TM4SF5: variants seen among roughly 807,000 people sequenced by gnomAD.
TM4SF5 encodes the protein transmembrane 4 L6 family member 5.
In TM4SF5, 16 loss-of-function variants were observed where a neutral mutation model predicts 22.3. The observed-to-expected ratio is 0.72, with a 90% CI of 0.49 to 1.09. The LOEUF is 1.09. Ranked by LOEUF, TM4SF5 falls within the 50% of genes least tolerant of loss-of-function variation. The probability of loss-of-function intolerance (pLI) is 0.00; values close to 1 mark genes in which losing one functional copy is unlikely to be tolerated. For synonymous variants in TM4SF5, 113 were observed against 109.6 expected, an observed-to-expected ratio of 1.03 and a Z score of -0.19; for missense variants, 249 against 266.1, an observed-to-expected ratio of 0.94 and a Z score of 0.45.
At chr17:4,772,128 C>T in intron 1 of TM4SF5, 29 bp downstream of exon 1, 1 of 1,613,520 alleles carries the variant, frequency 6.2e-7, no homozygotes, top group South Asian at 1.1e-5. Flanking sequence ...GAGCCCGGGC[C>T]AGCTGGCTGG....
intron 1 of TM4SF5, among the ~76,000 whole-genome samples, chr17:4,778,631 AAAGCAAG>A (rs901361624): frequency 6.6e-6 from 1 of 152,022 alleles, no homozygotes; most frequent in Non-Finnish European, 1.5e-5. Context: ...CACACACACG[AAAGCAAG>A]AAGCAAGACA....
chr17:4,772,114 AG>A lies in TM4SF5; in HGVS notation c.177+19del. ...GGGGCCTAATGGTGAGAAGGCTGGCAGGGGAGCCCGGGCCAGCTGGCTGGGT... is the reference window on the plus strand; with the variant it reads ...GGGGCCTAATGGTGAGAAGGCTGGCAGGGAGCCCGGGCCAGCTGGCTGGGT... On this transcript the variant is annotated intron_variant, in intron 1 of 4. Coordinates refer to ENST00000270560, the MANE Select transcript of TM4SF5 (RefSeq NM_003963.3). 2 of 1,614,040 alleles carry A rather than the reference AG, an allele frequency of 1.2e-6. No individual in the cohort carries two copies. Among genetic ancestry groups the A allele is most frequent in the Non-Finnish European group, 1.7e-6 (2 of 1,179,988 alleles).
chr17:4,776,378 T>A (rs1917205573), intron 1 of TM4SF5, among the ~76,000 whole-genome samples: 1 of 152,038 alleles, frequency 6.6e-6, no homozygotes, highest in South Asian at 2.1e-4. Flanking sequence ...CTCGGCTCAC[T>A]GCAACCTCTG....
At chr17:4,775,645 T>C (rs1280458614) in intron 1 of TM4SF5, among the ~76,000 whole-genome samples, 4 of 151,960 alleles carry the variant, frequency 2.6e-5, no homozygotes, top group Non-Finnish European at 5.9e-5. Context: ...CCCAGATCCT[T>C]AGTACACAGC....
At chr17:4,778,395 G>A (rs1917243506) in intron 1 of TM4SF5, among the ~76,000 whole-genome samples, 1 of 149,404 alleles carries the variant, frequency 6.7e-6, no homozygotes. Context: ...CAGGAGGATT[G>A]CTTGAGCCCA....
Position 4,780,791 on chromosome 17 carries a change from A to G in TM4SF5, c.180A>G (p.Val60=), listed in dbSNP as rs2150647633. ...TAACAATGACTCTTGTCCCACAGGT[A>G]CTGTGTCCGGGGATTGCAGCCGTTC... ...MGGFIGGGLM[V]LCPGIAAVRA... Residue 60 remains valine (V), a splice_region_variant and synonymous_variant, in exon 2 of 5, where the codon GTA becomes GTG. Coordinates refer to ENST00000270560, the MANE Select transcript of TM4SF5 (RefSeq NM_003963.3). 1 of 1,609,714 alleles carries G rather than the reference A, an allele frequency of 6.2e-7. No individual in the cohort carries two copies. The highest frequency in any genetic ancestry group is 2.2e-5 in the East Asian group (1 of 44,584).
chr17:4,780,847 G>A lies in TM4SF5; in HGVS notation c.236G>A (p.Gly79Glu). 2 of 1,611,972 alleles carry A rather than the reference G, an allele frequency of 1.2e-6. No homozygotes were observed. Among genetic ancestry groups the A allele is most frequent in the Non-Finnish European group, 1.7e-6 (2 of 1,179,032 alleles). Residue 79 changes from glycine to glutamate, a missense_variant, in exon 2 of 5, where the codon GGG (glycine) becomes GAG (glutamate). By Grantham distance (98) the Gly-to-Glu change is moderately conservative (BLOSUM62 -2). Coordinates refer to ENST00000270560, the MANE Select transcript of TM4SF5 (RefSeq NM_003963.3). Reference protein sequence around the residue: ...RAGGKGCCGAGCCGNRCRMLR... With the variant: ...RAGGKGCCGAECCGNRCRMLR... ...GGGGGCAAGGGCTGCTGTGGTGCTGGGTGCTGTGGAAACCGCTGCAGGGTA... is the reference window on the plus strand; with the variant it reads ...GGGGGCAAGGGCTGCTGTGGTGCTGAGTGCTGTGGAAACCGCTGCAGGGTA...
At chr17:4,779,987 C>G in intron 1 of TM4SF5, among the ~76,000 whole-genome samples, 1 of 152,000 alleles carries the variant, frequency 6.6e-6, no homozygotes. Flanking sequence ...TCACCAGACA[C>G]TCCAACACCT....
At chr17:4,777,284 G>A (rs1482721079) in intron 1 of TM4SF5, among the ~76,000 whole-genome samples, 1 of 152,038 alleles carries the variant, frequency 6.6e-6, no homozygotes, top group Non-Finnish European at 1.5e-5. Flanking sequence ...CTAGGCCAGT[G>A]GCTATGGAAA....
intron 1 of TM4SF5, among the ~76,000 whole-genome samples, chr17:4,774,659 G>A (rs540520090): frequency 6.6e-6 from 1 of 152,290 alleles, no homozygotes; most frequent in South Asian, 2.1e-4. Flanking sequence ...TGTAATCCCA[G>A]CACTTTGGGA....
intron 1 of TM4SF5, among the ~76,000 whole-genome samples, chr17:4,779,537 C>T (rs1364846161): frequency 6.6e-6 from 1 of 152,068 alleles, no homozygotes; most frequent in Non-Finnish European, 1.5e-5. Context: ...TGAGAACACC[C>T]TCATGGGAGG....
chr17:4,783,024 G>T lies in TM4SF5; in HGVS notation c.566G>T (p.Cys189Phe), dbSNP rs1375458144. Residue 189 changes from cysteine to phenylalanine, a missense_variant, in exon 4 of 5, where the codon TGC becomes TTC. By Grantham distance (205) the Cys-to-Phe change is radical. Transcript: ENST00000270560. ...ACCATTGGTGTCTTCTGCGGCGATTGCAGGAAAAAACAGGTGAAATTTCTT... is the reference window on the plus strand; with the variant it reads ...ACCATTGGTGTCTTCTGCGGCGATTTCAGGAAAAAACAGGTGAAATTTCTT... ...NATIGVFCGD[C>F]RKKQDTPH 7 of 1,613,976 alleles carry T rather than the reference G, an allele frequency of 4.3e-6. No individual in the cohort carries two copies. The highest frequency in any genetic ancestry group is 3.3e-5 in the Admixed American group (2 of 60,000).
In TM4SF5 at chr17:4,780,824, G is replaced by C; in HGVS notation, c.213G>C (p.Gly71=). 13 of 1,610,568 alleles carry C rather than the reference G, an allele frequency of 8.1e-6. No individual in the cohort carries two copies. Among genetic ancestry groups the C allele is most frequent in the Non-Finnish European group, 1.1e-5 (13 of 1,178,382 alleles). Residue 71 remains glycine (G), a synonymous_variant, in exon 2 of 5, where the codon GGG becomes GGC. Transcript: ENST00000270560. The part of the protein sequence containing the change: ...LCPGIAAVRA[G]GKGCCGAGCC... ...CGGGGATTGCAGCCGTTCGGGCAGGGGGCAAGGGCTGCTGTGGTGCTGGGT... is the reference window on the plus strand; with the variant it reads ...CGGGGATTGCAGCCGTTCGGGCAGGCGGCAAGGGCTGCTGTGGTGCTGGGT...
chr17:4,782,400 C>G, intron 2 of TM4SF5, 103 bp from the exon 3 acceptor site: 2 of 1,421,216 alleles, frequency 1.4e-6, no homozygotes, highest in South Asian at 2.4e-5. Flanking sequence ...ATTTTAACAA[C>G]CCGACTGGAG....
In TM4SF5 at chr17:4,782,522, C is replaced by T. The variant is rs752706360; in HGVS notation, c.278C>T (p.Ser93Phe). Residue 93 changes from serine (S) to phenylalanine (F), a missense_variant, in exon 3 of 5, where the codon TCC becomes TTC. Physicochemically the swap from Ser to Phe is radical, Grantham distance 155. Coordinates refer to ENST00000270560, the MANE Select transcript of TM4SF5 (RefSeq NM_003963.3). ...NRCRMLRSVF[S>F]SAFGVLGAIY... ...ATCCAGATGCTGCGCTCGGTCTTCT[C>T]CTCGGCGTTCGGGGTGCTTGGTGCC... 3 of 1,613,940 alleles carry T rather than the reference C, an allele frequency of 1.9e-6. No individual in the cohort carries two copies.
intron 1 of TM4SF5, among the ~76,000 whole-genome samples, chr17:4,780,165 C>T (rs1917274770): frequency 6.6e-6 from 1 of 151,118 alleles, no homozygotes; most frequent in South Asian, 2.1e-4. Context: ...AAGTAATTCT[C>T]CTGCCTCAGC....
chr17:4,783,039 T>C lies in TM4SF5; in HGVS notation c.579+2T>C. On this transcript the variant is annotated splice_donor_variant, in intron 4 of 4. Transcript: ENST00000270560. LOFTEE classifies it high-confidence loss of function. ...TGCGGCGATTGCAGGAAAAAACAGG[T>C]GAAATTTCTTGCGGTGGAGTTGTAG... 1 of 1,614,044 alleles carries C rather than the reference T, an allele frequency of 6.2e-7. No individual in the cohort carries two copies. The highest frequency in any genetic ancestry group is 8.5e-7 in the Non-Finnish European group (1 of 1,179,954).
At chr17:4,781,483 C>CA (rs537050971) in intron 2 of TM4SF5, among the ~76,000 whole-genome samples, 7 of 151,164 alleles carry the variant, frequency 4.6e-5, no homozygotes, top group Non-Finnish European at 5.9e-5. Flanking sequence ...AACTCCGCCT[C>CA]AAAAAAAATG....
Position 4,771,954 on chromosome 17 carries a change from G to C in TM4SF5, c.32G>C (p.Gly11Ala). Residue 11 changes from glycine (G) to alanine (A), a missense_variant, in exon 1 of 5, where the codon GGG (glycine) becomes GCG (alanine). Physicochemically the swap from Gly to Ala is moderately conservative, Grantham distance 60 (BLOSUM62 0). Coordinates refer to ENST00000270560, the MANE Select transcript of TM4SF5 (RefSeq NM_003963.3). Reference protein sequence around the residue: MCTGKCARCVGLSLITLCLVC... With the variant: MCTGKCARCVALSLITLCLVC... The stretch of plus-strand genomic sequence containing the variant: ...ACGGGAAAATGTGCCCGCTGTGTGG[G>C]GCTCTCCCTCATTACCCTCTGCCTC... 1.2e-6 allele frequency: 2 copies of C among 1,614,188 alleles called. No individual in the cohort carries two copies. The highest frequency in any genetic ancestry group is 1.7e-6 in the Non-Finnish European group (2 of 1,180,036).
Sources: allele counts gnomAD v4.1 joint callset (sites outside exome capture counted in the v4.1 genomes callset), GRCh38; gene constraint gnomAD v4.1.1; transcripts MANE v1.5; gene names NCBI Gene and HGNC (gene_info 2026-07-23, HGNC 2026-07-21).